TMEM80: variants seen among roughly 807,000 people sequenced by gnomAD.
TMEM80 encodes transmembrane protein 80.
In TMEM80, 16 loss-of-function variants were observed where a neutral mutation model predicts 13.6. The ratio of observed to expected loss-of-function variants is 1.17; its 90% CI spans 0.79 to 1.78. The LOEUF is 1.78. Ranked by LOEUF, TMEM80 falls within the 40% of genes most tolerant of loss-of-function variation. TMEM80 has a pLI of 0.00. For missense variants in TMEM80, 167 were observed against 184.6 expected (o/e 0.90, Z 0.55); for synonymous variants, 92 against 89.5 (o/e 1.03, Z -0.16).
At position 703,673 on chromosome 11, in the gene TMEM80, AGCTCTGCCT is replaced by A; in HGVS notation, c.*524_*532del. ...TAGGCCTTGTGCTCTGAGCAACCCC[AGCTCTGCCT>A]CACAGGCAGGCAGGCCCGGTGCAAG... is the stretch of plus-strand genomic sequence containing the variant. On this transcript the variant is annotated 3_prime_UTR_variant, in exon 5 of 5. Coordinates refer to ENST00000397510, the MANE Select transcript of TMEM80 (RefSeq NM_001042463.3). 1 of 1,232,390 alleles carries A rather than the reference AGCTCTGCCT, an allele frequency of 8.1e-7. No homozygotes were observed. Among genetic ancestry groups the A allele is most frequent in the Non-Finnish European group, 1.0e-6 (1 of 988,442 alleles). 76.3% of individuals were successfully genotyped at this position (1,232,390 alleles called of 1,614,324 possible).
rs1373966178 is a variant in TMEM80 at position 698,867 on chromosome 11, A to G, written c.20-2A>G. 2.5e-6 allele frequency: 4 copies of G among 1,614,050 alleles called. No individual in the cohort carries two copies. In the Admixed American group the frequency reaches 5.0e-5, roughly 20 times the overall value. On this transcript the variant is annotated splice_acceptor_variant, in intron 1 of 4. Coordinates refer to ENST00000397510, the MANE Select transcript of TMEM80 (RefSeq NM_001042463.3). LOFTEE classifies it high-confidence loss of function. ...CTTGCTCACGGCCCCTTTCTCTTTC[A>G]GGGAGAGGATCCTCCACAGTGGTAT...
intron 1 of TMEM80, among the ~76,000 whole-genome samples, chr11:698,622 G>A (rs961972605): frequency 2.0e-5 from 3 of 152,092 alleles, no homozygotes; most frequent in African/African-American, 4.8e-5. Flanking sequence ...TTCCCACCCC[G>A]GTGCCCCCGG....
downstream of TMEM80, chr11:704,264 C>T (rs190345004): frequency 5.7e-3 from 4,128 of 722,466 alleles, 18 homozygotes; most frequent in Admixed American, 8.2e-3. Flanking sequence ...GCCTTCCGCT[C>T]GGTGGACTCC....
chr11:704,454 G>C, downstream of TMEM80: 1 of 1,289,328 alleles, frequency 7.8e-7, no homozygotes, highest in African/African-American at 1.5e-5. Flanking sequence ...GCCACGGTGA[G>C]CTGCAGGACA....
chr11:700,597 C>T lies in TMEM80; in HGVS notation c.134-18C>T, dbSNP rs763788883. ...TGTGCCAGGTTACTTATGTTCCGTC[C>T]GCGCCTCTGCTCTTCAGGTCAGGTG... is the stretch of plus-strand genomic sequence containing the variant. On this transcript the variant is annotated intron_variant, in intron 3 of 4. Coordinates refer to ENST00000397510, the MANE Select transcript of TMEM80 (RefSeq NM_001042463.3). 135 of 1,607,848 alleles carry T rather than the reference C, an allele frequency of 8.4e-5. No homozygotes were observed. Among genetic ancestry groups the T allele is most frequent in the East Asian group, 2.5e-4 (11 of 44,866 alleles).
chr11:702,969 C>T lies in TMEM80; in HGVS notation c.251C>T (p.Ala84Val). 1.9e-6 allele frequency: 3 copies of T among 1,610,004 alleles called. No individual in the cohort carries two copies. The highest frequency in any genetic ancestry group is 2.5e-6 in the Non-Finnish European group (3 of 1,178,960). Residue 84 changes from alanine (A) to valine (V), a missense_variant, in exon 5 of 5, where the codon GCT (alanine) becomes GTT (valine). Physicochemically the swap from Ala to Val is moderately conservative, Grantham distance 64 (BLOSUM62 0). Coordinates refer to ENST00000397510, the MANE Select transcript of TMEM80 (RefSeq NM_001042463.3). ...YLGTRGNLTEAERPLAASLAL... is the reference protein window; with the variant it reads ...YLGTRGNLTEVERPLAASLAL... ...GGCACCAGGGGCAACCTGACAGAGG[C>T]TGAGAGGCCGCTGGCCGCCAGCCTG...
chr11:697,452 C>T (rs1861250378), intron 1 of TMEM80: 1 of 152,194 alleles, frequency 6.6e-6, no homozygotes, highest in Non-Finnish European at 1.5e-5. Flanking sequence ...AGAATGAGCT[C>T]CTGCAGGTCT....
chr11:696,157 C>T (rs1157549764), intron 1 of TMEM80, among the ~76,000 whole-genome samples: 2 of 152,090 alleles, frequency 1.3e-5, no homozygotes, highest in African/African-American at 2.4e-5. Flanking sequence ...GACACGTGGG[C>T]GGGATGGGCG....
rs986675294 is a variant in TMEM80 at position 703,470 on chromosome 11, A to T, written c.*320A>T. 29 of 1,258,152 alleles carry T rather than the reference A, an allele frequency of 2.3e-5. No individual in the cohort carries two copies. Among genetic ancestry groups the T allele is most frequent in the African/African-American group, 4.6e-5 (3 of 64,992 alleles). 77.9% of individuals were successfully genotyped at this position (1,258,152 alleles called of 1,614,324 possible). A position where few individuals can be genotyped will look rare whatever the true frequency, so the allele number is the denominator to read the frequency against. On this transcript the variant is annotated 3_prime_UTR_variant, in exon 5 of 5. Transcript: ENST00000397510. ...AGCAGCCAGGCCTCCACAGACCCCC[A>T]TGGGCCCCCAGGGCCGAGAGGGAGG... is the stretch of plus-strand genomic sequence containing the variant.
Position 704,031 on chromosome 11 carries a change from A to G in TMEM80, c.*881A>G. ...AGTAGCTTTCCCTTCACTTGATTCT[A>G]TTGTGTGTTTTCTATGTTTGGAATA... On this transcript the variant is annotated 3_prime_UTR_variant, in exon 5 of 5. Coordinates refer to ENST00000397510, the MANE Select transcript of TMEM80 (RefSeq NM_001042463.3). The G allele has an allele frequency of 1.7e-6, 2 of 1,194,588 alleles. No homozygotes were observed. Among genetic ancestry groups the G allele is most frequent in the Non-Finnish European group, 2.1e-6 (2 of 962,656 alleles). The allele number at this position is 1,194,588 out of a possible 1,614,324, so 74.0% of individuals were successfully genotyped here.
chr11:702,620 A>G (rs1314993844), intron 4 of TMEM80, among the ~76,000 whole-genome samples: 1 of 152,266 alleles, frequency 6.6e-6, no homozygotes, highest in Non-Finnish European at 1.5e-5. Context: ...TGGAATTAGG[A>G]AAACGTGGCA....
chr11:704,537 C>T (rs1468552474), downstream of TMEM80: 1 of 1,289,330 alleles, frequency 7.8e-7, no homozygotes, highest in Non-Finnish European at 1.0e-6. Context: ...CCTGCACTCG[C>T]AGAAGACCAG....
chr11:700,586 T>TA (rs1257933130), intron 3 of TMEM80, 29 bp from the exon 4 acceptor site: 1 of 1,589,768 alleles, frequency 6.3e-7, no homozygotes, highest in African/African-American at 1.3e-5. Flanking sequence ...CCAGGTTACT[T>TA]ATGTTCCGTC....
In TMEM80 at chr11:701,906, T is replaced by C. The variant is rs114380572; in HGVS notation, c.227-1039T>C. Among the ~76,000 whole-genome samples the C allele has an allele frequency of 6.5e-3, 988 of 152,328 alleles. 8 individuals are homozygous for C. Among genetic ancestry groups the C allele is most frequent in the African/African-American group, 0.022 (907 of 41,568 alleles). On this transcript the variant is annotated intron_variant, in intron 4 of 4. Transcript: ENST00000397510. ...AAATTCGCCCTCCCCAGAGCTCACC[T>C]CTGTGGCCAGCGGGGTGCAGACTTC...
intron 4 of TMEM80, among the ~76,000 whole-genome samples, chr11:701,619 C>T (rs1479486297): frequency 6.6e-6 from 1 of 151,832 alleles, no homozygotes; most frequent in Non-Finnish European, 1.5e-5. Flanking sequence ...CCATGTTAGC[C>T]AGGATGGTTT....
At chr11:701,406 CTTTTTTTT>C (rs71022955) in intron 4 of TMEM80, among the ~76,000 whole-genome samples, 1 of 64,900 alleles carries the variant, frequency 1.5e-5, no homozygotes, top group Non-Finnish European at 2.7e-5. Context: ...GACAAGGTTT[CTTTTTTTT>C]TTTTTTTTTT....
At position 703,890 on chromosome 11, in the gene TMEM80, CCA is replaced by C. The variant is rs1412507028; in HGVS notation, c.*741_*742del. 2.4e-6 allele frequency: 3 copies of C among 1,240,608 alleles called. No homozygotes were observed. The highest frequency in any genetic ancestry group is 3.0e-6 in the Non-Finnish European group (3 of 994,056). The allele number at this position is 1,240,608 out of a possible 1,614,324, so 76.9% of individuals were successfully genotyped here. ...GCCACATTCGGAGCCTCCGTCCACTCCAGTTTTATCAGCTTTTGCCTTTTGCA... is the reference window on the plus strand; with the variant it reads ...GCCACATTCGGAGCCTCCGTCCACTCGTTTTATCAGCTTTTGCCTTTTGCA... On this transcript the variant is annotated 3_prime_UTR_variant, in exon 5 of 5. Transcript: ENST00000397510.
intron 4 of TMEM80, among the ~76,000 whole-genome samples, chr11:702,729 C>A (rs1861552480): frequency 1.3e-5 from 2 of 152,254 alleles, no homozygotes; most frequent in South Asian, 4.1e-4. Flanking sequence ...GCAGGGGCAC[C>A]TCCCCCAGGA....
intron 2 of TMEM80, chr11:699,289 C>T: frequency 4.2e-6 from 1 of 240,712 alleles, no homozygotes; most frequent in South Asian, 6.5e-5. Context: ...GCAATCACAG[C>T]TCACTGCAGC....
Sources: gnomAD v4.1 joint callset for allele counts (sites outside exome capture counted in the v4.1 genomes callset) on GRCh38, gnomAD v4.1.1 for gene constraint, MANE v1.5 for transcripts, NCBI Gene and HGNC (gene_info 2026-07-23, HGNC 2026-07-21) for gene names.